KIAA1958: variants seen among roughly 807,000 people sequenced by gnomAD.
KIAA1958 encodes KIAA1958.
KIAA1958 carries 14 observed loss-of-function variants against 47.2 expected under a neutral mutation model. The ratio of observed to expected loss-of-function variants is 0.30; its 90% CI spans 0.20 to 0.46. The LOEUF is 0.46. Among genes scored for constraint, KIAA1958 ranks in the 20% least tolerant of loss-of-function variants. The probability of loss-of-function intolerance (pLI) is 1.00; values close to 1 mark genes in which losing one functional copy is unlikely to be tolerated. For synonymous variants in KIAA1958, 354 were observed against 353.3 expected, an observed-to-expected ratio of 1.00 and a Z score of -0.02; for missense variants, 803 against 909.2, an observed-to-expected ratio of 0.88 and a Z score of 1.50.
intron 2 of KIAA1958, among the ~76,000 whole-genome samples, chr9:112,595,218 A>G (rs977455839): frequency 6.6e-5 from 10 of 152,240 alleles, no homozygotes; most frequent in Non-Finnish European, 1.2e-4. Context: ...AAACAATTAG[A>G]TACAAGATAA....
At chr9:112,494,480 T>G (rs1277390780) in intron 1 of KIAA1958, among the ~76,000 whole-genome samples, 1 of 152,050 alleles carries the variant, frequency 6.6e-6, no homozygotes, top group Non-Finnish European at 1.5e-5. Context: ...ATGGTATCTA[T>G]CGCTTTTTTT....
At chr9:112,611,922 A>G (rs918252263) in intron 2 of KIAA1958, among the ~76,000 whole-genome samples, 3 of 152,112 alleles carry the variant, frequency 2.0e-5, no homozygotes, top group African/African-American at 7.2e-5. Flanking sequence ...GATTCAGAAT[A>G]GACCCAAATA....
At chr9:112,555,043 G>C (rs1835218010) in intron 1 of KIAA1958, among the ~76,000 whole-genome samples, 1 of 152,210 alleles carries the variant, frequency 6.6e-6, no homozygotes, top group Non-Finnish European at 1.5e-5. Flanking sequence ...TGACGACACA[G>C]AAAGGTAATT....
intron 1 of KIAA1958, among the ~76,000 whole-genome samples, chr9:112,560,859 G>T (rs1835315422): frequency 6.6e-6 from 1 of 152,088 alleles, no homozygotes; most frequent in Admixed American, 6.5e-5. Context: ...ATCTTTCTTA[G>T]GACTTTTGGT....
intron 1 of KIAA1958, among the ~76,000 whole-genome samples, chr9:112,530,285 T>C (rs1834732114): frequency 6.6e-6 from 1 of 152,246 alleles, no homozygotes; most frequent in Admixed American, 6.5e-5. Flanking sequence ...CCCATACTAC[T>C]TTGTTGCTCA....
intron 2 of KIAA1958, among the ~76,000 whole-genome samples, chr9:112,600,124 C>T (rs960589881): frequency 1.3e-5 from 2 of 152,196 alleles, no homozygotes; most frequent in Non-Finnish European, 2.9e-5. Flanking sequence ...TCTTGTTCTA[C>T]TCTTCTTTCA....
At chr9:112,492,238 G>A (rs1342905463) in intron 1 of KIAA1958, among the ~76,000 whole-genome samples, 1 of 152,172 alleles carries the variant, frequency 6.6e-6, no homozygotes, top group Non-Finnish European at 1.5e-5. Context: ...GGCAGGGTTA[G>A]GTTCTTCTAA....
chr9:112,591,973 G>A (rs1414483578), intron 2 of KIAA1958, among the ~76,000 whole-genome samples: 1 of 152,114 alleles, frequency 6.6e-6, no homozygotes, highest in African/African-American at 2.4e-5. Flanking sequence ...TATCCCTGAC[G>A]CACGTGGCCC....
chr9:112,531,312 C>T (rs1332190418), intron 1 of KIAA1958, among the ~76,000 whole-genome samples: 1 of 152,068 alleles, frequency 6.6e-6, no homozygotes, highest in Non-Finnish European at 1.5e-5. Context: ...CACTTGAACC[C>T]GGGAGGCAGA....
At chr9:112,559,018 TTTCTACACCC>T (rs1835286490) in intron 1 of KIAA1958, among the ~76,000 whole-genome samples, 1 of 152,234 alleles carries the variant, frequency 6.6e-6, no homozygotes, top group Non-Finnish European at 1.5e-5. Context: ...GTTTCATCTT[TTTCTACACCC>T]TTCAGAAGTG....
At chr9:112,497,344 T>C (rs1031992969) in intron 1 of KIAA1958, among the ~76,000 whole-genome samples, 1 of 152,012 alleles carries the variant, frequency 6.6e-6, no homozygotes, top group Non-Finnish European at 1.5e-5. Context: ...CTGGTGTCCT[T>C]ATAAGAGGAA....
Position 112,659,715 on chromosome 9 carries a change from CAGCGTCA to C in KIAA1958, c.1802_1808del (p.Val601GlyfsTer52), listed in dbSNP as rs1837230513. ...ACCAGCCCTACTTTGCCCGGACGGACAGCGTCAAGCGGGAGAGTCGGAGCGGCTCCAC... is the reference window on the plus strand; with the variant it reads ...ACCAGCCCTACTTTGCCCGGACGGACAGCGGGAGAGTCGGAGCGGCTCCAC... On this transcript the variant is annotated frameshift_variant, in exon 4 of 4. Transcript: ENST00000337530. LOFTEE classifies it high-confidence loss of function. The C allele has an allele frequency of 6.2e-7, 1 of 1,614,072 alleles. No homozygotes were observed. Among genetic ancestry groups the C allele is most frequent in the Admixed American group, 1.7e-5 (1 of 60,000 alleles).
At chr9:112,527,502 A>G (rs1226667701) in intron 1 of KIAA1958, among the ~76,000 whole-genome samples, 2 of 152,218 alleles carry the variant, frequency 1.3e-5, no homozygotes, top group African/African-American at 4.8e-5. Context: ...AGACCACACT[A>G]AGGAGTGTAG....
chr9:112,511,636 A>G (rs1834327366), intron 1 of KIAA1958, among the ~76,000 whole-genome samples: 1 of 152,264 alleles, frequency 6.6e-6, no homozygotes, highest in African/African-American at 2.4e-5. Context: ...AAATTAGAAT[A>G]CTAAACAAAC....
chr9:112,546,084 G>C (rs977796991), intron 1 of KIAA1958, among the ~76,000 whole-genome samples: 1 of 151,860 alleles, frequency 6.6e-6, no homozygotes, highest in Admixed American at 6.6e-5. Flanking sequence ...AGTTCTGCAG[G>C]ACTGGTTTCA....
intron 2 of KIAA1958, among the ~76,000 whole-genome samples, chr9:112,575,769 A>G (rs1304714029): frequency 1.3e-5 from 2 of 152,140 alleles, no homozygotes; most frequent in Admixed American, 6.5e-5. Flanking sequence ...TAAAAGAGGT[A>G]TTTGATCTTT....
chr9:112,641,980 G>A (rs903955588), intron 2 of KIAA1958, among the ~76,000 whole-genome samples: 4 of 152,224 alleles, frequency 2.6e-5, no homozygotes, highest in African/African-American at 4.8e-5. Flanking sequence ...TCAGGGGGAC[G>A]AGTAGGGAAC....
chr9:112,595,520 G>T (rs1223284729), intron 2 of KIAA1958, among the ~76,000 whole-genome samples: 1 of 152,008 alleles, frequency 6.6e-6, no homozygotes, highest in East Asian at 2.0e-4. Context: ...AATTAGCCGA[G>T]TGTGGTGGTG....
At chr9:112,587,181 ACT>A (rs1409984222) in intron 2 of KIAA1958, among the ~76,000 whole-genome samples, 2 of 151,996 alleles carry the variant, frequency 1.3e-5, no homozygotes, top group African/African-American at 4.8e-5. Flanking sequence ...AGACAGTCTC[ACT>A]CTGTCTCCCA....
Sources: gnomAD v4.1 joint callset for allele counts (sites outside exome capture counted in the v4.1 genomes callset) on GRCh38, gnomAD v4.1.1 for gene constraint, MANE v1.5 for transcripts, NCBI Gene and HGNC (gene_info 2026-07-23, HGNC 2026-07-21) for gene names.